The following NKAIN2 variants were observed in gnomAD, a reference collection of about 807,000 sequenced individuals.
NKAIN2 encodes sodium/potassium transporting ATPase interacting 2.
In NKAIN2, 14 loss-of-function variants were observed where a neutral mutation model predicts 32.6. The ratio of observed to expected loss-of-function variants is 0.43; its 90% confidence interval spans 0.28 to 0.67. The LOEUF is 0.67. NKAIN2 is among the 30% of genes least tolerant of loss of function. The pLI, the probability that NKAIN2 is intolerant of heterozygous loss-of-function variation, is 0.17. For synonymous variants in NKAIN2, 80 were observed against 87.2 expected (o/e 0.92, Z 0.46); for missense variants, 198 against 258.3 (o/e 0.77, Z 1.60).
chr6:124,636,211 GA>G (rs373717497), intron 3 of NKAIN2, among the ~76,000 whole-genome samples: 4 of 145,908 alleles, frequency 2.7e-5, no homozygotes, highest in African/African-American at 5.0e-5. Context: ...AGTCAATGAA[GA>G]AAAAAAAAAT....
chr6:124,111,430 G>T (rs568957207), intron 1 of NKAIN2, among the ~76,000 whole-genome samples: 2 of 151,864 alleles, frequency 1.3e-5, no homozygotes, highest in East Asian at 3.9e-4. Flanking sequence ...TCTTCTTGAC[G>T]CATTGACCCT....
intron 3 of NKAIN2, among the ~76,000 whole-genome samples, chr6:124,420,699 G>A (rs892148664): frequency 7.9e-5 from 12 of 152,064 alleles, no homozygotes; most frequent in South Asian, 2.1e-4. Flanking sequence ...TAATCCATTT[G>A]CTTTGCGGGG....
At chr6:124,501,117 A>G (rs558365858) in intron 3 of NKAIN2, among the ~76,000 whole-genome samples, 54 of 152,326 alleles carry the variant, frequency 3.5e-4, no homozygotes, top group Middle Eastern at 6.8e-3. Context: ...ATTGGGTTGA[A>G]TGTAGGAGTC....
chr6:124,177,680 C>A (rs1200315671), intron 1 of NKAIN2, among the ~76,000 whole-genome samples: 2 of 151,920 alleles, frequency 1.3e-5, no homozygotes, highest in Non-Finnish European at 2.9e-5. Flanking sequence ...GGAGCTGGGG[C>A]CATTTGGGAA....
intron 1 of NKAIN2, among the ~76,000 whole-genome samples, chr6:123,952,971 T>C (rs749920917): frequency 1.5e-4 from 23 of 152,200 alleles, no homozygotes; most frequent in African/African-American, 4.8e-5. Context: ...TATCCTTACA[T>C]TGATATCTCC....
intron 1 of NKAIN2, among the ~76,000 whole-genome samples, chr6:123,883,131 C>T (rs1173157772): frequency 6.6e-6 from 1 of 152,062 alleles, no homozygotes; most frequent in Non-Finnish European, 1.5e-5. Context: ...TTGCTGTTCT[C>T]CTAATAGTGA....
rs150656976 is a variant in NKAIN2 at position 124,698,591 on chromosome 6, C to T, written c.474+40205C>T. Among the ~76,000 whole-genome samples the T allele has an allele frequency of 2.6e-5, 4 of 152,304 alleles. No homozygotes were observed. The East Asian group carries it at 7.7e-4, about 29-fold the overall frequency. On this transcript the variant is annotated intron_variant, in intron 4 of 6. Coordinates refer to ENST00000368417, the MANE Select transcript of NKAIN2 (RefSeq NM_001040214.3). ...GTATCTTAGATTTACAACCGACTTACAATCTTGCAGGATAATTACTTTGCT... is the reference window on the plus strand; with the variant it reads ...GTATCTTAGATTTACAACCGACTTATAATCTTGCAGGATAATTACTTTGCT...
At chr6:124,435,664 C>A (rs534528963) in intron 3 of NKAIN2, among the ~76,000 whole-genome samples, 1 of 152,238 alleles carries the variant, frequency 6.6e-6, no homozygotes, top group African/African-American at 2.4e-5. Flanking sequence ...AGACTTACCA[C>A]TGAGGAAACA....
At chr6:124,123,105 T>G (rs1307479557) in intron 1 of NKAIN2, among the ~76,000 whole-genome samples, 1 of 152,116 alleles carries the variant, frequency 6.6e-6, no homozygotes, top group Non-Finnish European at 1.5e-5. Flanking sequence ...TAGAATTATA[T>G]CTAGTATAAA....
rs1393001789 is a variant in NKAIN2, at chr6:124,490,524, A to C, written c.273+135177A>C. 1.2e-5 allele frequency: 4 copies of C among 333,120 alleles called. No individual in the cohort carries two copies. In the Admixed American group the frequency reaches 1.2e-4, roughly 10 times the overall value. 20.6% of individuals were successfully genotyped at this position (333,120 alleles called of 1,614,324 possible). A position where few individuals can be genotyped will look rare whatever the true frequency, so the allele number is the denominator to read the frequency against. On this transcript the variant is annotated intron_variant, in intron 3 of 6. Coordinates refer to ENST00000368417, the MANE Select transcript of NKAIN2 (RefSeq NM_001040214.3). The stretch of plus-strand genomic sequence containing the variant: ...AAATGCATTTAAATACAAATACCCA[A>C]GTATTTAGTAGAGGAGTTATGTTGC...
chr6:124,293,335 T>C (rs539994773), intron 2 of NKAIN2, among the ~76,000 whole-genome samples: 7 of 152,188 alleles, frequency 4.6e-5, no homozygotes, highest in African/African-American at 1.7e-4. Flanking sequence ...TTGATTGCTA[T>C]ATTCAACTTT....
chr6:124,445,446 G>T (rs1397736089), intron 3 of NKAIN2, among the ~76,000 whole-genome samples: 1 of 151,874 alleles, frequency 6.6e-6, no homozygotes, highest in Non-Finnish European at 1.5e-5. Flanking sequence ...GCATTTTATT[G>T]TACATTTTAT....
chr6:123,834,294 A>G (rs536070000), intron 1 of NKAIN2, among the ~76,000 whole-genome samples: 2 of 152,132 alleles, frequency 1.3e-5, no homozygotes, highest in African/African-American at 4.8e-5. Flanking sequence ...AGCTGGGATT[A>G]CAGGCGTGTG....
At chr6:123,851,618 A>G (rs1262200196) in intron 1 of NKAIN2, among the ~76,000 whole-genome samples, 1 of 152,128 alleles carries the variant, frequency 6.6e-6, no homozygotes, top group Non-Finnish European at 1.5e-5. Context: ...CAGTACCAAC[A>G]GTTTACAAGT....
At chr6:123,862,950 T>C (rs747922092) in intron 1 of NKAIN2, among the ~76,000 whole-genome samples, 1 of 152,238 alleles carries the variant, frequency 6.6e-6, no homozygotes, top group Non-Finnish European at 1.5e-5. Context: ...CAGTGCAGTA[T>C]ACATAGCAGG....
rs1176833408 is a variant in NKAIN2 at position 124,355,339 on chromosome 6, C to T, written c.265C>T (p.Leu89Phe). The change falls in exon 3 of 7, where the codon CTC (leucine) becomes TTC (phenylalanine). Residue 89 changes from leucine to phenylalanine, a missense_variant. Coordinates refer to ENST00000368417, the MANE Select transcript of NKAIN2 (RefSeq NM_001040214.3). ...VICFYLEAGD[L>F]SKETDLILTF... ...CTGCTTCTATTTGGAGGCTGGGGAC[C>T]TCTCAAAGGTAATTTACATCTAATT... The T allele has an allele frequency of 1.3e-6, 2 of 1,594,244 alleles. No individual in the cohort carries two copies. The highest frequency in any genetic ancestry group is 2.2e-5 in the South Asian group (2 of 90,630).
chr6:123,852,806 T>C (rs1252070927), intron 1 of NKAIN2, among the ~76,000 whole-genome samples: 2 of 152,172 alleles, frequency 1.3e-5, no homozygotes, highest in Non-Finnish European at 2.9e-5. Flanking sequence ...TTCTTATCCC[T>C]TCCTGAACTT....
chr6:124,263,759 C>A (rs2114851408), intron 1 of NKAIN2, among the ~76,000 whole-genome samples: 1 of 152,240 alleles, frequency 6.6e-6, no homozygotes, highest in Non-Finnish European at 1.5e-5. Context: ...GCCAGCTTAG[C>A]AAATGTCCTA....
rs143983267 is a variant in NKAIN2 at position 124,559,207 on chromosome 6, TA to T, written c.274-98976del. ...GGTTGAATACAGCAGTGTCAAAGAATAAACCAATACACGTTTATTCTCTGCC... is the reference window on the plus strand; with the variant it reads ...GGTTGAATACAGCAGTGTCAAAGAATAACCAATACACGTTTATTCTCTGCC... On this transcript the variant is annotated intron_variant, in intron 3 of 6. Transcript: ENST00000368417. Among the ~76,000 whole-genome samples the T allele has an allele frequency of 5.6e-3, 860 of 152,280 alleles. 45 individuals carry two copies. In the East Asian group the frequency reaches 0.12, roughly 21 times the overall value.
Sources: allele counts gnomAD v4.1 joint callset (sites outside exome capture counted in the v4.1 genomes callset), GRCh38; gene constraint gnomAD v4.1.1; transcripts MANE v1.5; gene names NCBI Gene and HGNC (gene_info 2026-07-23, HGNC 2026-07-21).